Variants in RAB12 observed in about 807,000 individuals in gnomAD.
RAB12 encodes the protein ras-related protein Rab-12.
In RAB12, 11 loss-of-function variants were observed where a neutral mutation model predicts 28.4. The observed-to-expected ratio is 0.39, with a 90% CI of 0.24 to 0.64. RAB12 has a LOEUF of 0.64. RAB12 is among the 30% of genes least tolerant of loss of function. RAB12 has a pLI of 0.50. For synonymous variants in RAB12, 138 were observed against 145.3 expected, an observed-to-expected ratio of 0.95 and a Z score of 0.36; for missense variants, 276 against 351.1, an observed-to-expected ratio of 0.79 and a Z score of 1.71.
At chr18:8,631,218 A>C (rs949935197) in intron 2 of RAB12, among the ~76,000 whole-genome samples, 1 of 152,222 alleles carries the variant, frequency 6.6e-6, no homozygotes, top group Non-Finnish European at 1.5e-5. Flanking sequence ...AGCATTTTTC[A>C]TAAGTGTGGG....
chr18:8,626,158 C>T lies in RAB12; in HGVS notation c.575+1160C>T, dbSNP rs138784383. Among the ~76,000 whole-genome samples the T allele has an allele frequency of 7.7e-3, 1,173 of 152,352 alleles. 4 individuals are homozygous for T. Among genetic ancestry groups the T allele is most frequent in the Non-Finnish European group, 0.013 (871 of 68,032 alleles). The stretch of plus-strand genomic sequence containing the variant: ...CTTGTCTAAATACTTGAATAAACAA[C>T]AAATAGATATTTCTTCCTGTGCTAG... On this transcript the variant is annotated intron_variant, in intron 2 of 5. Coordinates refer to ENST00000649141, the MANE Select transcript of RAB12 (RefSeq NM_001025300.3).
chr18:8,637,749 AG>A (rs1284084719), intron 5 of RAB12, among the ~76,000 whole-genome samples: 1 of 152,096 alleles, frequency 6.6e-6, no homozygotes, highest in East Asian at 1.9e-4. Flanking sequence ...TAACATAAAC[AG>A]TCACTTAACA....
intron 5 of RAB12, among the ~76,000 whole-genome samples, chr18:8,637,296 T>C (rs530224496): frequency 1.3e-5 from 2 of 148,744 alleles, no homozygotes; most frequent in East Asian, 3.9e-4. Context: ...AAAAAAAAAG[T>C]TTATATAATT....
intron 2 of RAB12, among the ~76,000 whole-genome samples, chr18:8,627,340 C>T (rs2096013303): frequency 6.6e-6 from 1 of 152,206 alleles, no homozygotes; most frequent in Non-Finnish European, 1.5e-5. Flanking sequence ...TCTAGACTGG[C>T]ATGAAAGCAT....
chr18:8,611,881 A>G (rs1215463212), intron 1 of RAB12, among the ~76,000 whole-genome samples: 1 of 152,182 alleles, frequency 6.6e-6, no homozygotes, highest in East Asian at 1.9e-4. Context: ...GTAGCCTATA[A>G]TACTTAGAGT....
At chr18:8,616,950 C>T (rs1294421274) in intron 1 of RAB12, among the ~76,000 whole-genome samples, 1 of 151,930 alleles carries the variant, frequency 6.6e-6, no homozygotes, top group Admixed American at 6.6e-5. Context: ...AACACTCCAC[C>T]TTCTCCTTGG....
rs1598315808 is a variant in RAB12, at chr18:8,639,144, G to GTTTTTTTTTTTTTTTTTTTTTTTTTTTT, written c.*884_*885insTTTTTTTTTTTTTTTTTTTTTTTTTTTT. ...CTTATTCTGATTAAGCCTAGACTGT[G>GTTTTTTTTTTTTTTTTTTTTTTTTTTTT]TTCTTTTTTTTTTTTTTTTTTTTTT... On this transcript the variant is annotated 3_prime_UTR_variant, in exon 6 of 6. Transcript: ENST00000649141. 6.0e-4 allele frequency: 10 copies of GTTTTTTTTTTTTTTTTTTTTTTTTTTTT among 16,560 alleles called. No homozygotes were observed. Among genetic ancestry groups the GTTTTTTTTTTTTTTTTTTTTTTTTTTTT allele is most frequent in the Non-Finnish European group, 1.2e-3 (9 of 7,628 alleles). The allele number at this position is 16,560 out of a possible 1,614,324, so 1.0% of individuals were successfully genotyped here.
chr18:8,629,794 A>AG (rs771063023), intron 2 of RAB12, among the ~76,000 whole-genome samples: 36 of 152,318 alleles, frequency 2.4e-4, no homozygotes, highest in Admixed American at 1.2e-3. Flanking sequence ...CAGGTGCCTA[A>AG]GGGAAGTGTT....
At chr18:8,629,881 C>T (rs556006093) in intron 2 of RAB12, among the ~76,000 whole-genome samples, 10 of 152,194 alleles carry the variant, frequency 6.6e-5, no homozygotes, top group Non-Finnish European at 1.3e-4. Flanking sequence ...TGTTGCCCCC[C>T]AGCTTACTCC....
chr18:8,621,124 C>T (rs11661427), intron 1 of RAB12, among the ~76,000 whole-genome samples: 19,202 of 152,132 alleles, frequency 0.13, 1,396 homozygotes, highest in Admixed American at 0.17. Flanking sequence ...AGTGAAGTCG[C>T]CACCCTCTTT....
At chr18:8,621,589 C>G (rs2096009892) in intron 1 of RAB12, among the ~76,000 whole-genome samples, 1 of 152,136 alleles carries the variant, frequency 6.6e-6, no homozygotes, top group Non-Finnish European at 1.5e-5. Flanking sequence ...TTTGGCTAAA[C>G]AGATTCTTTT....
At position 8,639,147 on chromosome 18, in the gene RAB12, C is replaced by CTTTTTGTTTTTTTTTTTT. The variant is rs1567898835; in HGVS notation, c.*890_*891insGTTTTTTTTTTTTTTTTT. 6.2e-5 allele frequency: 1 copy of CTTTTTGTTTTTTTTTTTT among 16,024 alleles called. No homozygotes were observed. The highest frequency in any genetic ancestry group is 1.3e-4 in the Non-Finnish European group (1 of 7,590). The allele number at this position is 16,024 out of a possible 1,614,324, so 1.0% of individuals were successfully genotyped here. ...ATTCTGATTAAGCCTAGACTGTGTT[C>CTTTTTGTTTTTTTTTTTT]TTTTTTTTTTTTTTTTTTTTTTTTT... On this transcript the variant is annotated 3_prime_UTR_variant, in exon 6 of 6. Coordinates refer to ENST00000649141, the MANE Select transcript of RAB12 (RefSeq NM_001025300.3).
chr18:8,633,417 G>A, intron 3 of RAB12, 90 bp downstream of exon 3: 2 of 1,446,940 alleles, frequency 1.4e-6, no homozygotes, highest in Admixed American at 1.8e-5. Flanking sequence ...CATGTATTGA[G>A]CATGTTTTCA....
Position 8,610,913 on chromosome 18 carries a change from A to G in RAB12, c.514+960A>G, listed in dbSNP as rs190494640. Among the ~76,000 whole-genome samples the G allele has an allele frequency of 3.0e-4, 45 of 152,344 alleles. No homozygotes were observed. The East Asian group carries it at 6.6e-3, about 22-fold the overall frequency. On this transcript the variant is annotated intron_variant, in intron 1 of 5. Transcript: ENST00000649141. ...AGCATAATTTCATGTAATTCTATTT[A>G]TTAATAGTGTTATAACCAGTGGTAG... is the stretch of plus-strand genomic sequence containing the variant.
At position 8,638,367 on chromosome 18, in the gene RAB12, C is replaced by A; in HGVS notation, c.*105C>A. 1.3e-6 allele frequency: 1 copy of A among 768,670 alleles called. No individual in the cohort carries two copies. Among genetic ancestry groups the A allele is most frequent in the Non-Finnish European group, 2.2e-6 (1 of 456,064 alleles). 47.6% of individuals were successfully genotyped at this position (768,670 alleles called of 1,614,324 possible). On this transcript the variant is annotated 3_prime_UTR_variant, in exon 6 of 6. Transcript: ENST00000649141. ...CAATTTCCTTTCGCACTTTGTAATCCAAGTCAGAGCTATACACTAACTTGT... is the reference window on the plus strand; with the variant it reads ...CAATTTCCTTTCGCACTTTGTAATCAAAGTCAGAGCTATACACTAACTTGT...
intron 1 of RAB12, among the ~76,000 whole-genome samples, chr18:8,619,712 CTCA>C: frequency 6.6e-6 from 1 of 152,212 alleles, no homozygotes; most frequent in East Asian, 1.9e-4. Flanking sequence ...CCTCTCTCTG[CTCA>C]TCATGTTGTC....
chr18:8,633,123 C>T (rs1177052599), intron 2 of RAB12, 66 bp from the exon 3 acceptor site: 11 of 1,586,262 alleles, frequency 6.9e-6, no homozygotes, highest in Non-Finnish European at 8.6e-6. Flanking sequence ...TCTATGTTTG[C>T]ATTGGAATGT....
intron 2 of RAB12, among the ~76,000 whole-genome samples, chr18:8,630,728 G>A (rs2096015464): frequency 6.6e-6 from 1 of 152,114 alleles, no homozygotes; most frequent in South Asian, 2.1e-4. Context: ...GTGTCAGCCT[G>A]GAGAAAAAAG....
At chr18:8,629,344 T>G (rs1282115708) in intron 2 of RAB12, among the ~76,000 whole-genome samples, 1 of 152,202 alleles carries the variant, frequency 6.6e-6, no homozygotes, top group African/African-American at 2.4e-5. Flanking sequence ...ACTATTAGTG[T>G]GGTCTTTAAG....
Sources: gnomAD v4.1 joint callset for allele counts (sites outside exome capture counted in the v4.1 genomes callset) on GRCh38, gnomAD v4.1.1 for gene constraint, MANE v1.5 for transcripts, NCBI Gene and HGNC (gene_info 2026-07-23, HGNC 2026-07-21) for gene names.